Variants in ZBTB11 observed in about 807,000 individuals in gnomAD.
ZBTB11 encodes the protein zinc finger and BTB domain-containing protein 11.
A neutral mutation model predicts 113.1 loss-of-function variants in ZBTB11; 68 were observed. The observed-to-expected ratio is 0.60, with a 90% CI of 0.49 to 0.74. The LOEUF (loss-of-function observed/expected upper bound fraction) is 0.74. Ranked by LOEUF, ZBTB11 falls within the 30% of genes least tolerant of loss-of-function variation. ZBTB11 has a pLI of 0.00. For synonymous variants in ZBTB11, 518 were observed against 452.6 expected (o/e 1.14, Z -1.83); for missense variants, 1,104 against 1,279.4 (o/e 0.86, Z 2.09).
At chr3:101,668,750 A>G (rs1474279119) in intron 3 of ZBTB11, among the ~76,000 whole-genome samples, 20 of 152,200 alleles carry the variant, frequency 1.3e-4, no homozygotes, top group Admixed American at 1.3e-3. Context: ...GTACCAAAAT[A>G]TCATTTTGTA....
chr3:101,666,366 A>G (rs546400588), intron 3 of ZBTB11, among the ~76,000 whole-genome samples: 1 of 152,350 alleles, frequency 6.6e-6, no homozygotes, highest in East Asian at 1.9e-4. Context: ...ATGTCTGCTA[A>G]AACTGCTCAG....
intron 6 of ZBTB11, among the ~76,000 whole-genome samples, chr3:101,658,969 T>C (rs949164182): frequency 1.8e-4 from 28 of 152,256 alleles, no homozygotes; most frequent in Non-Finnish European, 3.2e-4. Context: ...CCTGGCATAG[T>C]GGCTCACGCC....
intron 6 of ZBTB11, 81 bp downstream of exon 6, chr3:101,659,702 T>C (rs954719698): frequency 1.1e-5 from 17 of 1,520,808 alleles, no homozygotes; most frequent in Non-Finnish European, 1.4e-5. Flanking sequence ...GACTTGAGAA[T>C]ACATATCCCA....
chr3:101,659,234 T>G (rs551100077), intron 6 of ZBTB11, among the ~76,000 whole-genome samples: 48 of 152,288 alleles, frequency 3.2e-4, no homozygotes. Flanking sequence ...GAACAAGACC[T>G]TGTCTCAAAA....
intron 1 of ZBTB11, among the ~76,000 whole-genome samples, chr3:101,672,820 A>C (rs1214488465): frequency 6.6e-6 from 1 of 152,214 alleles, no homozygotes; most frequent in Non-Finnish European, 1.5e-5. Flanking sequence ...CACACATGTG[A>C]TGTGTACCAT....
chr3:101,655,122 C>T (rs11925001), intron 7 of ZBTB11, among the ~76,000 whole-genome samples: 45,922 of 152,076 alleles, frequency 0.3, 7,259 homozygotes, highest in Non-Finnish European at 0.34. Flanking sequence ...GTGATCTACC[C>T]GCCTTGGCCT....
Position 101,664,719 on chromosome 3 carries a change from T to C in ZBTB11, c.1624-5A>G, listed in dbSNP as rs1208107614. 5 of 1,586,374 alleles carry C rather than the reference T, an allele frequency of 3.2e-6. No individual in the cohort carries two copies. Among genetic ancestry groups the C allele is most frequent in the Non-Finnish European group, 4.3e-6 (5 of 1,171,152 alleles). ...TTGAACTAACTTCTGAGCCACCTAG[T>C]AAGGGATAGAAATCACAATCTAAGT... On this transcript the variant is annotated splice_polypyrimidine_tract_variant and splice_region_variant and intron_variant, in intron 4 of 10. Transcript: ENST00000312938.
chr3:101,670,644 C>G (rs1412027755), intron 3 of ZBTB11: 1 of 152,582 alleles, frequency 6.6e-6, no homozygotes, highest in Admixed American at 6.5e-5. Flanking sequence ...TTTTTAGAGG[C>G]AGGGTCTTGT....
chr3:101,674,394 T>C (rs963857247), intron 1 of ZBTB11, among the ~76,000 whole-genome samples: 8 of 152,170 alleles, frequency 5.3e-5, no homozygotes, highest in Middle Eastern at 6.8e-3. Context: ...AGCATTTATA[T>C]GAGTGTAGAT....
At chr3:101,668,311 A>G (rs1232759092) in intron 3 of ZBTB11, among the ~76,000 whole-genome samples, 1 of 152,174 alleles carries the variant, frequency 6.6e-6, no homozygotes, top group Non-Finnish European at 1.5e-5. Context: ...CAAGGTATAT[A>G]GTTAACAACA....
At chr3:101,653,764 T>G (rs767791657) in intron 8 of ZBTB11, among the ~76,000 whole-genome samples, 7 of 152,058 alleles carry the variant, frequency 4.6e-5, no homozygotes, top group Non-Finnish European at 7.4e-5. Flanking sequence ...CTCTAAAAAC[T>G]AATGAAAAGC....
rs1209338876 is a variant in ZBTB11 at position 101,665,477 on chromosome 3, T to A, written c.1110A>T (p.Glu370Asp). The change falls in exon 4 of 11, where the codon GAA becomes GAT. Residue 370 changes from glutamate (E) to aspartate (D), a missense_variant. Transcript: ENST00000312938. ...DCEIVLLVNG[E>D]LPEAEQNGEV... The stretch of plus-strand genomic sequence containing the variant: ...CTCCATTCTGCTCAGCTTCTGGCAA[T>A]TCTCCATTTACCAGTAGTACAATTT... 7 of 1,614,200 alleles carry A rather than the reference T, an allele frequency of 4.3e-6. No homozygotes were observed. Among genetic ancestry groups the A allele is most frequent in the Non-Finnish European group, 5.9e-6 (7 of 1,180,016 alleles).
intron 5 of ZBTB11, 125 bp from the exon 6 acceptor site, chr3:101,660,153 A>C (rs1559983920): frequency 1.1e-6 from 1 of 915,226 alleles, no homozygotes. Flanking sequence ...TATGTAAAAA[A>C]CAATAGGTAC....
Position 101,676,693 on chromosome 3 carries a change from G to A in ZBTB11, c.222C>T (p.Leu74=). The change falls in exon 1 of 11, where the codon CTC becomes CTT. Residue 74 remains leucine (L), a synonymous_variant. Coordinates refer to ENST00000312938, the MANE Select transcript of ZBTB11 (RefSeq NM_014415.4). Reference sequence around the variant, plus strand: ...CGGGACCCAGGTGCGCCGCCTCGATGAGGTCCCGGCGTCGCTCCGGCTGCA... The same window carrying A: ...CGGGACCCAGGTGCGCCGCCTCGATAAGGTCCCGGCGTCGCTCCGGCTGCA... ...VVLQPERRRD[L]IEAAHLGPGG... 6.3e-7 allele frequency: 1 copy of A among 1,597,948 alleles called. No individual in the cohort carries two copies. Among genetic ancestry groups the A allele is most frequent in the Non-Finnish European group, 8.5e-7 (1 of 1,171,668 alleles).
chr3:101,661,338 T>G (rs1424853325), intron 5 of ZBTB11, among the ~76,000 whole-genome samples: 1 of 152,022 alleles, frequency 6.6e-6, no homozygotes, highest in Non-Finnish European at 1.5e-5. Context: ...TCTTGATGAA[T>G]CCCTTGGACT....
chr3:101,657,380 C>G (rs1427946339), intron 6 of ZBTB11, among the ~76,000 whole-genome samples: 1 of 149,904 alleles, frequency 6.7e-6, no homozygotes, highest in African/African-American at 2.5e-5. Context: ...GTGGCGTGTG[C>G]CTGTAGTTCC....
chr3:101,667,596 A>C (rs1317394545), intron 3 of ZBTB11, among the ~76,000 whole-genome samples: 1 of 152,222 alleles, frequency 6.6e-6, no homozygotes, highest in African/African-American at 2.4e-5. Context: ...GCTGAAAAAA[A>C]CTGAGGGGAC....
chr3:101,651,165 C>A lies in ZBTB11; in HGVS notation c.*1G>T. ...ACTTCTTTTTATCTTCATTAACATA[C>A]TCATTCTCCTCCTGAAATATGTGCT... On this transcript the variant is annotated 3_prime_UTR_variant, in exon 11 of 11. Coordinates refer to ENST00000312938, the MANE Select transcript of ZBTB11 (RefSeq NM_014415.4). The A allele has an allele frequency of 6.4e-7, 1 of 1,568,992 alleles. No homozygotes were observed. Among genetic ancestry groups the A allele is most frequent in the South Asian group, 1.2e-5 (1 of 82,612 alleles).
At chr3:101,653,443 A>G (rs948852398) in intron 8 of ZBTB11, among the ~76,000 whole-genome samples, 63 of 152,206 alleles carry the variant, frequency 4.1e-4, no homozygotes, top group East Asian at 1.9e-4. Context: ...ATTTGAGAGG[A>G]TATGAGACTG....
Sources: gnomAD v4.1 joint callset for allele counts (sites outside exome capture counted in the v4.1 genomes callset) on GRCh38, gnomAD v4.1.1 for gene constraint, MANE v1.5 for transcripts, NCBI Gene and HGNC (gene_info 2026-07-23, HGNC 2026-07-21) for gene names.